ZNF620: variants seen among roughly 807,000 people sequenced by gnomAD.
The protein encoded by ZNF620 is zinc finger protein 620.
ZNF620 carries 10 observed loss-of-function variants against 13.3 expected under a neutral mutation model. The observed-to-expected ratio is 0.75, with a 90% CI of 0.46 to 1.28. The LOEUF (loss-of-function observed/expected upper bound fraction) is 1.28, where lower values mean the gene tolerates loss of function less well. ZNF620 is among the 50% of genes most tolerant of loss of function. The probability of loss-of-function intolerance (pLI) is 0.00; values close to 1 mark genes in which losing one functional copy is unlikely to be tolerated. For synonymous variants in ZNF620, 166 were observed against 177.6 expected (o/e 0.93, Z 0.52); for missense variants, 461 against 500.2 (o/e 0.92, Z 0.75).
Position 40,516,005 on chromosome 3 carries a change from A to G in ZNF620, c.411A>G (p.Gln137=), listed in dbSNP as rs1575295188. The change falls in exon 5 of 5, where the codon CAA becomes CAG. Residue 137 remains glutamine (Q), a synonymous_variant. Transcript: ENST00000314529. The part of the protein sequence containing the change: ...LDFGSSLEQP[Q]GHWIIKTKSK... The stretch of plus-strand genomic sequence containing the variant: ...TTGGGAGCAGCCTAGAGCAGCCACA[A>G]GGTCATTGGATAATTAAGACAAAGT... The G allele has an allele frequency of 2.5e-6, 4 of 1,614,188 alleles. No individual in the cohort carries two copies. The highest frequency in any genetic ancestry group is 1.7e-6 in the Non-Finnish European group (2 of 1,180,036).
chr3:40,509,324 T>C (rs1698127247), intron 2 of ZNF620, among the ~76,000 whole-genome samples: 1 of 151,990 alleles, frequency 6.6e-6, no homozygotes. Context: ...TTCTGCTTTC[T>C]GGGTTCAAGC....
Position 40,512,440 on chromosome 3 carries a change from G to A in ZNF620, c.190G>A (p.Glu64Lys). The A allele has an allele frequency of 6.2e-7, 1 of 1,614,218 alleles. No homozygotes were observed. The highest frequency in any genetic ancestry group is 8.5e-7 in the Non-Finnish European group (1 of 1,180,034). Residue 64 changes from glutamate (E) to lysine (K), a missense_variant, in exon 4 of 5, where the codon GAG (glutamate) becomes AAG (lysine). By Grantham distance (56) the Glu-to-Lys change is moderately conservative. Coordinates refer to ENST00000314529, the MANE Select transcript of ZNF620 (RefSeq NM_175888.4). ...FTTPVLVSQLEQGELPWGLDP... is the reference protein window; with the variant it reads ...FTTPVLVSQLKQGELPWGLDP... ...CACGCCTGTTCTGGTCTCCCAGCTG[G>A]AGCAAGGGGAACTGCCATGGGGCCT...
chr3:40,510,799 C>T (rs560009117), intron 2 of ZNF620, among the ~76,000 whole-genome samples: 3 of 152,096 alleles, frequency 2.0e-5, no homozygotes, highest in African/African-American at 4.8e-5. Flanking sequence ...CCCAGGCTGG[C>T]GTACAGTGGT....
intron 4 of ZNF620, among the ~76,000 whole-genome samples, chr3:40,513,926 C>T (rs1698291276): frequency 6.6e-6 from 1 of 152,180 alleles, no homozygotes; most frequent in Non-Finnish European, 1.5e-5. Context: ...CACCAGAGGG[C>T]TCCTTGGTCT....
At chr3:40,514,063 G>A (rs1336523914) in intron 4 of ZNF620, among the ~76,000 whole-genome samples, 1 of 152,136 alleles carries the variant, frequency 6.6e-6, no homozygotes, top group East Asian at 1.9e-4. Context: ...TTTCCCCGGG[G>A]GAGTTAGAGA....
In ZNF620 at chr3:40,509,497, G is replaced by A. The variant is rs558831329; in HGVS notation, c.25-1973G>A. Among the ~76,000 whole-genome samples, 11 of 152,160 alleles carry A rather than the reference G, an allele frequency of 7.2e-5. No individual in the cohort carries two copies. The South Asian group carries it at 1.7e-3, about 23-fold the overall frequency. On this transcript the variant is annotated intron_variant, in intron 2 of 4. Transcript: ENST00000314529. ...TCTGCCCACCTCAGCTTCTCAAAGG[G>A]CTGGGATTACATGCATGAGCCACCG...
chr3:40,512,508 C>T lies in ZNF620; in HGVS notation c.258C>T (p.Ile86=). Reference sequence around the variant, plus strand: ...TGGGCAGGGAGGCTCTCAGAGGTATCTGTCCAGGTGAGCATGAGAACCCAC... The same window carrying T: ...TGGGCAGGGAGGCTCTCAGAGGTATTTGTCCAGGTGAGCATGAGAACCCAC... ...EPMGREALRG[I]CPGDEARTEK... is the part of the protein sequence containing the mutation. The change falls in exon 4 of 5, where the codon ATC becomes ATT. Residue 86 remains isoleucine (I), a synonymous_variant. Transcript: ENST00000314529. The T allele has an allele frequency of 6.2e-7, 1 of 1,612,068 alleles. No homozygotes were observed. Among genetic ancestry groups the T allele is most frequent in the Middle Eastern group, 1.7e-4 (1 of 6,048 alleles).
intron 4 of ZNF620, among the ~76,000 whole-genome samples, chr3:40,513,293 C>T (rs9810159): frequency 0.39 from 47,590 of 122,074 alleles, 9,556 homozygotes; most frequent in South Asian, 0.59. Context: ...GACGAAACCC[C>T]GTCTCAACTA....
intron 4 of ZNF620, among the ~76,000 whole-genome samples, chr3:40,513,282 TGAC>T (rs1698255304): frequency 7.7e-6 from 1 of 129,072 alleles, no homozygotes; most frequent in Non-Finnish European, 1.6e-5. Flanking sequence ...TTGGCCAACA[TGAC>T]GAAACCCCGT....
At chr3:40,514,297 CCT>C (rs966278941) in intron 4 of ZNF620, among the ~76,000 whole-genome samples, 1 of 152,174 alleles carries the variant, frequency 6.6e-6, no homozygotes, top group African/African-American at 2.4e-5. Context: ...GGAAGGGCCC[CCT>C]GTCTGGTGGA....
At chr3:40,511,418 A>T in intron 2 of ZNF620, 52 bp from the exon 3 acceptor site, 5 of 1,599,714 alleles carry the variant, frequency 3.1e-6, no homozygotes, top group Non-Finnish European at 4.3e-6. Context: ...CCCACTACTT[A>T]GCCTGATCCT....
intron 4 of ZNF620, among the ~76,000 whole-genome samples, 193 bp downstream of exon 4, chr3:40,512,708 T>C (rs1698238844): frequency 2.0e-5 from 3 of 152,254 alleles, no homozygotes; most frequent in Admixed American, 6.5e-5. Context: ...AAGACAGGAA[T>C]GACTGTAAGA....
chr3:40,515,340 G>A lies in ZNF620; in HGVS notation c.266-520G>A, dbSNP rs182151295. On this transcript the variant is annotated intron_variant, in intron 4 of 4. Coordinates refer to ENST00000314529, the MANE Select transcript of ZNF620 (RefSeq NM_175888.4). Reference sequence around the variant, plus strand: ...GCTGCTTTACTAGAGCCAGCTTGATGGTAGAGATCAGCTCTCTTTTCAAGG... The same window carrying A: ...GCTGCTTTACTAGAGCCAGCTTGATAGTAGAGATCAGCTCTCTTTTCAAGG... Among the ~76,000 whole-genome samples the A allele has an allele frequency of 3.8e-3, 581 of 152,280 alleles. 10 individuals carry two copies. The highest frequency in any genetic ancestry group is 8.7e-4 in the Non-Finnish European group (59 of 68,030).
chr3:40,514,230 A>G (rs1698303247), intron 4 of ZNF620, among the ~76,000 whole-genome samples: 1 of 152,116 alleles, frequency 6.6e-6, no homozygotes, highest in Non-Finnish European at 1.5e-5. Context: ...TCTGCCTTCT[A>G]GAAGAAATAA....
intron 2 of ZNF620, among the ~76,000 whole-genome samples, chr3:40,510,703 T>C (rs1698166960): frequency 6.6e-6 from 1 of 152,218 alleles, no homozygotes; most frequent in African/African-American, 2.4e-5. Context: ...ATTCTCTTTC[T>C]GCCTTCTAAA....
intron 2 of ZNF620, 47 bp downstream of exon 2, chr3:40,506,423 G>A (rs763434767): frequency 2.3e-6 from 3 of 1,329,104 alleles, no homozygotes; most frequent in Non-Finnish European, 3.1e-6. Flanking sequence ...GATGTCAAGA[G>A]AGAGCAGGTG....
chr3:40,506,141 A>G lies in ZNF620; in HGVS notation c.-50+3A>G. ...AGCTGAAGAGGTTCGCGGTCCGGGT[A>G]ACTGATTGGTTTTCCTGGGGCTTGT... On this transcript the variant is annotated splice_donor_region_variant and intron_variant, in intron 1 of 4. Transcript: ENST00000314529. 1 of 641,312 alleles carries G rather than the reference A, an allele frequency of 1.6e-6. No individual in the cohort carries two copies. The highest frequency in any genetic ancestry group is 2.8e-6 in the Non-Finnish European group (1 of 357,372). The allele number at this position is 641,312 out of a possible 1,614,324, so 39.7% of individuals were successfully genotyped here.
chr3:40,506,174 G>T, intron 1 of ZNF620, 36 bp downstream of exon 1: 1 of 746,318 alleles, frequency 1.3e-6, no homozygotes. Flanking sequence ...TGTTCTGCCT[G>T]GTTTTGCAAC....
intron 2 of ZNF620, among the ~76,000 whole-genome samples, chr3:40,509,394 C>T (rs1478536913): frequency 6.6e-6 from 1 of 151,978 alleles, no homozygotes; most frequent in Non-Finnish European, 1.5e-5. Context: ...CCATGCCTGG[C>T]ACATTTTTTG....
Sources: gnomAD v4.1 joint callset for allele counts (sites outside exome capture counted in the v4.1 genomes callset) on GRCh38, gnomAD v4.1.1 for gene constraint, MANE v1.5 for transcripts, NCBI Gene and HGNC (gene_info 2026-07-23, HGNC 2026-07-21) for gene names.